MVP: variants seen among roughly 807,000 people sequenced by gnomAD.
MVP encodes major vault protein.
MVP carries 62 observed loss-of-function variants against 83.5 expected under a neutral mutation model. That is an observed-to-expected ratio of 0.74 (90% CI 0.61 to 0.92). MVP has a LOEUF of 0.92. Among genes scored for constraint, MVP ranks in the 40% least tolerant of loss-of-function variants. The probability of loss-of-function intolerance (pLI) is 0.00; values close to 1 mark genes in which losing one functional copy is unlikely to be tolerated. For synonymous variants in MVP, 505 were observed against 504.1 expected (o/e 1.00, Z -0.02); for missense variants, 1,000 against 1,203.4 (o/e 0.83, Z 2.50).
chr16:29,823,228 C>T (rs1047847775), intron 1 of MVP, among the ~76,000 whole-genome samples: 2 of 148,050 alleles, frequency 1.4e-5, no homozygotes, highest in African/African-American at 2.5e-5. Context: ...CAGGCACAGG[C>T]GATCCTCCCA....
intron 3 of MVP, chr16:29,831,571 C>A (rs1390257004): frequency 4.4e-6 from 2 of 455,890 alleles, no homozygotes; most frequent in Non-Finnish European, 8.8e-6. Flanking sequence ...CTCCAGCCAC[C>A]CCCATCCTCC....
At chr16:29,844,370 T>TGG (rs2067562794) in intron 10 of MVP, 123 bp from the exon 11 acceptor site, 1 of 1,312,604 alleles carries the variant, frequency 7.6e-7, no homozygotes, top group Non-Finnish European at 1.0e-6. Flanking sequence ...AGGCTGAGGT[T>TGG]GGGGGGTTGC....
chr16:29,831,254 A>C (rs1410686196), intron 3 of MVP, among the ~76,000 whole-genome samples, 181 bp downstream of exon 3: 1 of 152,098 alleles, frequency 6.6e-6, no homozygotes, highest in East Asian at 1.9e-4. Flanking sequence ...CCTGGGTTCA[A>C]GTGATTTTCC....
chr16:29,841,697 G>A lies in MVP; in HGVS notation c.1293G>A (p.Gln431=), dbSNP rs766680096. The change falls in exon 9 of 15, where the codon CAG becomes CAA. Residue 431 remains glutamine (Q), a synonymous_variant. Coordinates refer to ENST00000357402, the MANE Select transcript of MVP (RefSeq NM_005115.5). The surrounding 1 kb of genome is among the most constrained non-coding windows in gnomAD (Gnocchi z 4.7). Reference sequence around the variant, plus strand: ...TGGAGGAGCTGCTGAACAAGGGGCAGGACCCTCTGGCAGACAGGGGTGAGA... The same window carrying A: ...TGGAGGAGCTGCTGAACAAGGGGCAAGACCCTCTGGCAGACAGGGGTGAGA... ...PGVEELLNKG[Q]DPLADRGEKD... 25 of 1,612,332 alleles carry A rather than the reference G, an allele frequency of 1.6e-5. No individual in the cohort carries two copies. Among genetic ancestry groups the A allele is most frequent in the Non-Finnish European group, 2.1e-5 (25 of 1,179,480 alleles).
chr16:29,847,082 C>G, intron 13 of MVP, 115 bp from the exon 14 acceptor site: 1 of 1,188,434 alleles, frequency 8.4e-7, no homozygotes, highest in Non-Finnish European at 1.2e-6. Context: ...CCCAGCTACC[C>G]AGGAGGCTGA....
Position 29,832,934 on chromosome 16 carries a change from A to T in MVP, c.322-799A>T, listed in dbSNP as rs867241277. Among the ~76,000 whole-genome samples, 22 of 152,058 alleles carry T rather than the reference A, an allele frequency of 1.4e-4. No homozygotes were observed. The Middle Eastern group carries it at 0.01, about 71-fold the overall frequency. On this transcript the variant is annotated intron_variant, in intron 3 of 14. Transcript: ENST00000357402. The stretch of plus-strand genomic sequence containing the variant: ...ACAACAATTAGCCAGGCGTGGTGGC[A>T]TGCGCCTGTAATCCCAGCTACTTGG...
chr16:29,841,473 C>T lies in MVP; in HGVS notation c.1192-123C>T, dbSNP rs568375410. 1.5e-4 allele frequency: 200 copies of T among 1,305,264 alleles called. No individual in the cohort carries two copies. The highest frequency in any genetic ancestry group is 1.5e-3 in the African/African-American group (101 of 67,616). The allele number at this position is 1,305,264 out of a possible 1,614,324, so 80.9% of individuals were successfully genotyped here. ...AACCCGGGGTGGAGCCTGGCCTCCC[C>T]GTAGAGAAGGTGTTTAACCTCGTGG... On this transcript the variant is annotated intron_variant, in intron 8 of 14. Coordinates refer to ENST00000357402, the MANE Select transcript of MVP (RefSeq NM_005115.5). The surrounding 1 kb of genome is among the most constrained non-coding windows in gnomAD (Gnocchi z 4.7).
At chr16:29,845,009 C>T in intron 11 of MVP, 130 bp downstream of exon 11, 1 of 1,256,278 alleles carries the variant, frequency 8.0e-7, no homozygotes, top group Non-Finnish European at 1.1e-6. Flanking sequence ...CCCTACCCAA[C>T]AGATCAGGTG....
chr16:29,830,805 C>G (rs1359073123), intron 2 of MVP, 73 bp from the exon 3 acceptor site: 2 of 1,574,804 alleles, frequency 1.3e-6, no homozygotes, highest in East Asian at 2.3e-5. Context: ...AGAGGTTTCT[C>G]TCTCATTTGG....
intron 7 of MVP, among the ~76,000 whole-genome samples, chr16:29,837,190 C>T (rs1158737632): frequency 6.6e-6 from 1 of 152,208 alleles, no homozygotes; most frequent in African/African-American, 2.4e-5. Context: ...CCTGGCTACC[C>T]GCTGCCTGAG....
At chr16:29,824,477 A>G (rs2067391660) in intron 1 of MVP, among the ~76,000 whole-genome samples, 1 of 151,962 alleles carries the variant, frequency 6.6e-6, no homozygotes, top group African/African-American at 2.4e-5. Flanking sequence ...TTTAAGACTC[A>G]CTAGGGGCCA....
At chr16:29,822,087 GTTTTTTT>G (rs201002535) in intron 1 of MVP, among the ~76,000 whole-genome samples, 1 of 138,468 alleles carries the variant, frequency 7.2e-6, no homozygotes, top group Non-Finnish European at 1.6e-5. Flanking sequence ...TTGGGGTTTT[GTTTTTTT>G]TTTTTTTTTA....
Position 29,845,998 on chromosome 16 carries a change from G to A in MVP, c.2138+19G>A. 6.2e-7 allele frequency: 1 copy of A among 1,613,962 alleles called. No individual in the cohort carries two copies. Among genetic ancestry groups the A allele is most frequent in the Non-Finnish European group, 8.5e-7 (1 of 1,179,774 alleles). Reference sequence around the variant, plus strand: ...CTCTGAGGTGGGTTGAGAACTAGAGGAGGAGACTGGCAGGGGCCGAGGGTC... The same window carrying A: ...CTCTGAGGTGGGTTGAGAACTAGAGAAGGAGACTGGCAGGGGCCGAGGGTC... On this transcript the variant is annotated intron_variant, in intron 12 of 14. Transcript: ENST00000357402.
chr16:29,841,472 C>T lies in MVP; in HGVS notation c.1192-124C>T. 11 of 1,287,984 alleles carry T rather than the reference C, an allele frequency of 8.5e-6. No individual in the cohort carries two copies. In the South Asian group the frequency reaches 1.7e-4, roughly 20 times the overall value. 79.8% of individuals were successfully genotyped at this position (1,287,984 alleles called of 1,614,324 possible). A position where few individuals can be genotyped will look rare whatever the true frequency, so the allele number is the denominator to read the frequency against. The stretch of plus-strand genomic sequence containing the variant: ...AAACCCGGGGTGGAGCCTGGCCTCC[C>T]CGTAGAGAAGGTGTTTAACCTCGTG... On this transcript the variant is annotated intron_variant, in intron 8 of 14. Coordinates refer to ENST00000357402, the MANE Select transcript of MVP (RefSeq NM_005115.5). The surrounding 1 kb of genome is among the most constrained non-coding windows in gnomAD (Gnocchi z 4.7).
Position 29,841,052 on chromosome 16 carries a change from G to A in MVP, c.1192-544G>A, listed in dbSNP as rs2067530626. On this transcript the variant is annotated intron_variant, in intron 8 of 14. Transcript: ENST00000357402. This position sits in a 1 kb window ranked among gnomAD's most constrained non-coding sequence, Gnocchi z 4.7. ...GGTCTGATGGGGTGGCCAGGGAACA[G>A]GAAGGACCTCCTCCCTCATGCCCAT... is the stretch of plus-strand genomic sequence containing the variant. 6.6e-6 allele frequency among the ~76,000 whole-genome samples: 1 copy of A among 152,064 alleles called. No individual in the cohort carries two copies. The highest frequency in any genetic ancestry group is 1.9e-4 in the East Asian group (1 of 5,194).
chr16:29,844,134 C>T, intron 10 of MVP, among the ~76,000 whole-genome samples: 1 of 152,232 alleles, frequency 6.6e-6, no homozygotes, highest in East Asian at 1.9e-4. Context: ...CCCTGGACCT[C>T]TACTTCCTCA....
At position 29,845,902 on chromosome 16, in the gene MVP, G is replaced by A; in HGVS notation, c.2061G>A (p.Arg687=). 1.2e-6 allele frequency: 2 copies of A among 1,614,116 alleles called. No homozygotes were observed. The highest frequency in any genetic ancestry group is 3.3e-5 in the Admixed American group (2 of 60,016). The change falls in exon 12 of 15, where the codon CGG becomes CGA. Residue 687 remains arginine, a synonymous_variant. Coordinates refer to ENST00000357402, the MANE Select transcript of MVP (RefSeq NM_005115.5). ...GACTGGAGCAGGAAGCCCGCGGCCG[G>A]CTTGAGCGGCAGAAGATCCTGGACC... ...AQRLEQEARG[R]LERQKILDQS...
intron 11 of MVP, 48 bp downstream of exon 11, chr16:29,844,927 A>C: frequency 6.5e-7 from 1 of 1,549,920 alleles, no homozygotes; most frequent in Non-Finnish European, 8.7e-7. Flanking sequence ...ATGGCAGGCC[A>C]CTGCTGGGAA....
At chr16:29,834,127 G>A (rs747983034) in intron 5 of MVP, 61 bp downstream of exon 5, 1 of 1,581,298 alleles carries the variant, frequency 6.3e-7, no homozygotes, top group East Asian at 2.3e-5. Flanking sequence ...TGCAGGGGAA[G>A]CAGGGGAAGG....
Sources: gnomAD v4.1 joint callset for allele counts (sites outside exome capture counted in the v4.1 genomes callset) on GRCh38, gnomAD v4.1.1 for gene constraint, Gnocchi (gnomAD v3.1) non-coding constraint, MANE v1.5 for transcripts, NCBI Gene and HGNC (gene_info 2026-07-23, HGNC 2026-07-21) for gene names.